The following TOM1L1 variants were observed in gnomAD, a reference collection of about 807,000 sequenced individuals.
TOM1L1 encodes the protein target of myb1 like 1 membrane trafficking protein, also known as TOM1-like protein 1.
A neutral mutation model predicts 63.4 loss-of-function variants in TOM1L1; 64 were observed. That is an observed-to-expected ratio of 1.01 (90% CI 0.83 to 1.24). The LOEUF (loss-of-function observed/expected upper bound fraction) is 1.24. TOM1L1 is among the 50% of genes most tolerant of loss of function. TOM1L1 has a pLI of 0.00. For missense variants in TOM1L1, 536 were observed against 567.0 expected (o/e 0.95, Z 0.55); for synonymous variants, 166 against 194.4 (o/e 0.85, Z 1.22).
intron 3 of TOM1L1, among the ~76,000 whole-genome samples, chr17:54,908,026 T>C (rs567302029): frequency 2.6e-5 from 4 of 152,244 alleles, no homozygotes; most frequent in African/African-American, 7.2e-5. Flanking sequence ...GGCCCTCTGT[T>C]TCTCTTTGGG....
chr17:54,909,934 CTGAG>C (rs2048470864), intron 3 of TOM1L1, among the ~76,000 whole-genome samples: 1 of 152,154 alleles, frequency 6.6e-6, no homozygotes, highest in Admixed American at 6.5e-5. Flanking sequence ...TATTACTTAT[CTGAG>C]TGAGTTGGAG....
chr17:54,902,254 C>A (rs1253871533), intron 1 of TOM1L1, among the ~76,000 whole-genome samples: 1 of 152,058 alleles, frequency 6.6e-6, no homozygotes, highest in East Asian at 1.9e-4. Context: ...TAAGCTTTGT[C>A]CATTCGGTGC....
At chr17:54,911,486 A>G (rs1308995993) in intron 3 of TOM1L1, among the ~76,000 whole-genome samples, 1 of 151,938 alleles carries the variant, frequency 6.6e-6, no homozygotes, top group Non-Finnish European at 1.5e-5. Context: ...AAATATCTAA[A>G]TTTCAGCCCA....
chr17:54,937,559 T>A (rs2048970332), intron 10 of TOM1L1: 3 of 237,712 alleles, frequency 1.3e-5, no homozygotes, highest in Non-Finnish European at 2.5e-5. Context: ...TGGGTTTTTC[T>A]GCTATACCTC....
intron 14 of TOM1L1, chr17:54,954,245 G>A (rs1394779632): frequency 6.6e-6 from 1 of 152,196 alleles, no homozygotes; most frequent in Admixed American, 6.5e-5. Context: ...TGGCCAGGTA[G>A]GGTTATGTGT....
rs2048833686 is a variant in TOM1L1 at position 54,930,094 on chromosome 17, G to T, written c.742G>T (p.Glu248Ter). 1 of 1,614,138 alleles carries T rather than the reference G, an allele frequency of 6.2e-7. No individual in the cohort carries two copies. The highest frequency in any genetic ancestry group is 2.2e-5 in the East Asian group (1 of 44,870). ...LLQKLYKTGREMQERIMDLLV... is the reference protein window; with the variant it reads ...LLQKLYKTGR The stretch of plus-strand genomic sequence containing the variant: ...ACAGAAACTCTATAAAACAGGTCGG[G>T]AGATGCAGGAGAGGATCATGGACCT... The change falls in exon 8 of 16, where the codon GAG becomes TAG. Residue 248 changes from glutamate to a stop codon, truncating the protein, a stop_gained. Transcript: ENST00000575882. LOFTEE classifies it high-confidence loss of function.
chr17:54,934,443 G>A (rs950047080), intron 8 of TOM1L1, among the ~76,000 whole-genome samples: 3 of 152,048 alleles, frequency 2.0e-5, no homozygotes, highest in Admixed American at 6.5e-5. Context: ...CACTGGTTGT[G>A]TTTACTAGGA....
chr17:54,960,726 C>G (rs2077099903), intron 15 of TOM1L1, 99 bp downstream of exon 15: 1 of 851,188 alleles, frequency 1.2e-6, no homozygotes. Flanking sequence ...TAAGGGCCAT[C>G]TGAGTCTGAC....
chr17:54,925,505 A>C (rs1036281100), intron 7 of TOM1L1, among the ~76,000 whole-genome samples: 5 of 152,232 alleles, frequency 3.3e-5, no homozygotes, highest in Non-Finnish European at 7.3e-5. Context: ...AGGGCCAAGG[A>C]AAGTTCTCCA....
chr17:54,931,976 G>GT (rs2048869450), intron 8 of TOM1L1, among the ~76,000 whole-genome samples: 1 of 124,030 alleles, frequency 8.1e-6, no homozygotes, highest in African/African-American at 3.5e-5. Flanking sequence ...TTGTTTGTTT[G>GT]TTTTTTTGAG....
chr17:54,919,332 G>C (rs2048643714), intron 7 of TOM1L1, among the ~76,000 whole-genome samples: 1 of 152,128 alleles, frequency 6.6e-6, no homozygotes, highest in Non-Finnish European at 1.5e-5. Flanking sequence ...AGTTCCACCT[G>C]GTCTTCCTGG....
chr17:54,961,292 G>C lies in TOM1L1; in HGVS notation c.*59G>C, dbSNP rs1253456929. The C allele has an allele frequency of 6.4e-7, 1 of 1,551,502 alleles. No homozygotes were observed. The highest frequency in any genetic ancestry group is 8.7e-7 in the Non-Finnish European group (1 of 1,146,882). ...AAAGGTGCCAACTCTCTAAAACGTAGACTCTGTGCAGCTTTGAAGCCTGGA... is the reference window on the plus strand; with the variant it reads ...AAAGGTGCCAACTCTCTAAAACGTACACTCTGTGCAGCTTTGAAGCCTGGA... On this transcript the variant is annotated 3_prime_UTR_variant, in exon 16 of 16. Coordinates refer to ENST00000575882, the MANE Select transcript of TOM1L1 (RefSeq NM_005486.3).
chr17:54,929,421 G>A (rs1330014254), intron 7 of TOM1L1, among the ~76,000 whole-genome samples: 3 of 151,884 alleles, frequency 2.0e-5, no homozygotes, highest in Admixed American at 1.3e-4. Context: ...GTTTAATGCA[G>A]TATTTCTAGG....
intron 14 of TOM1L1, chr17:54,953,401 T>C (rs1444043776): frequency 2.6e-5 from 4 of 152,302 alleles, no homozygotes; most frequent in African/African-American, 2.4e-5. Flanking sequence ...TTGCCCCCCT[T>C]CTTCTGTGTA....
chr17:54,923,880 G>T (rs765067333), intron 7 of TOM1L1, among the ~76,000 whole-genome samples: 13 of 152,066 alleles, frequency 8.5e-5, no homozygotes, highest in African/African-American at 1.2e-4. Flanking sequence ...AGCTACTCAG[G>T]AGGTTGAGGC....
In TOM1L1 at chr17:54,938,947, G is replaced by A; in HGVS notation, c.1057G>A (p.Val353Ile). 1 of 1,610,416 alleles carries A rather than the reference G, an allele frequency of 6.2e-7. No homozygotes were observed. Among genetic ancestry groups the A allele is most frequent in the Non-Finnish European group, 8.5e-7 (1 of 1,178,464 alleles). The change falls in exon 11 of 16, where the codon GTA becomes ATA. Residue 353 changes from valine to isoleucine, a missense_variant. By Grantham distance (29) the Val-to-Ile change is conservative. Coordinates refer to ENST00000575882, the MANE Select transcript of TOM1L1 (RefSeq NM_005486.3). ...GLNFSLPSSD[V>I]TNNLKPSLHP... The stretch of plus-strand genomic sequence containing the variant: ...AGATTTCAGCCTTCCAAGTTCTGAT[G>A]TAACAAACAACTTAAAACCCAGTCT...
At chr17:54,911,689 C>G (rs1377679162) in intron 3 of TOM1L1, among the ~76,000 whole-genome samples, 3 of 152,134 alleles carry the variant, frequency 2.0e-5, no homozygotes, top group African/African-American at 7.2e-5. Flanking sequence ...TAGTTTAGGC[C>G]TTTTCTATAA....
chr17:54,917,897 T>C lies in TOM1L1; in HGVS notation c.720+2035T>C, dbSNP rs552122884. ...TATTCTCTATTTTTTTCCTGAATGC[T>C]ACTAGTGCCTAGAAATAATACCCTA... is the stretch of plus-strand genomic sequence containing the variant. On this transcript the variant is annotated intron_variant, in intron 7 of 15. Transcript: ENST00000575882. Among the ~76,000 whole-genome samples the C allele has an allele frequency of 9.3e-4, 141 of 152,342 alleles. 4 individuals are homozygous for C. The South Asian group carries it at 0.028, about 31-fold the overall frequency.
chr17:54,914,370 TAAAAA>T (rs35044232), intron 5 of TOM1L1, among the ~76,000 whole-genome samples: 2 of 144,554 alleles, frequency 1.4e-5, no homozygotes, highest in Non-Finnish European at 1.5e-5. Flanking sequence ...GACCCTTGGT[TAAAAA>T]AAAAAAAAAA....
Sources: allele counts gnomAD v4.1 joint callset (sites outside exome capture counted in the v4.1 genomes callset), GRCh38; gene constraint gnomAD v4.1.1; transcripts MANE v1.5; gene names NCBI Gene and HGNC (gene_info 2026-07-23, HGNC 2026-07-21).